The following KMO variants were observed in gnomAD, a reference collection of about 807,000 sequenced individuals.
The protein encoded by KMO is kynurenine 3-hydroxylase.
Under a neutral mutation model 57.8 loss-of-function variants are expected in KMO, and 24 were observed. The observed-to-expected ratio is 0.42, with a 90% CI of 0.30 to 0.58. The LOEUF is 0.58. Ranked by LOEUF, KMO falls within the 20% of genes least tolerant of loss-of-function variation. KMO has a pLI of 0.22. For missense variants in KMO, 483 were observed against 588.2 expected, an observed-to-expected ratio of 0.82 and a Z score of 1.85; for synonymous variants, 210 against 193.6, an observed-to-expected ratio of 1.08 and a Z score of -0.70.
At chr1:241,577,366 T>G (rs1228755816) in intron 10 of KMO, among the ~76,000 whole-genome samples, 1 of 152,144 alleles carries the variant, frequency 6.6e-6, no homozygotes, top group Non-Finnish European at 1.5e-5. Context: ...AGGCTATTTC[T>G]TCTAATTATT....
intron 4 of KMO, among the ~76,000 whole-genome samples, chr1:241,554,622 CA>C (rs1413058722): frequency 6.7e-6 from 1 of 149,252 alleles, no homozygotes; most frequent in Non-Finnish European, 1.5e-5. Context: ...AACATTTTTA[CA>C]ATACGTTTAA....
At chr1:241,581,892 AT>A (rs1211257955) in intron 10 of KMO, among the ~76,000 whole-genome samples, 1 of 151,858 alleles carries the variant, frequency 6.6e-6, no homozygotes, top group Non-Finnish European at 1.5e-5. Flanking sequence ...TTTTTTTCTC[AT>A]TTGTTAACAT....
chr1:241,587,473 T>C (rs150069925), intron 11 of KMO, among the ~76,000 whole-genome samples: 160 of 152,274 alleles, frequency 1.1e-3, no homozygotes, highest in African/African-American at 3.5e-3. Flanking sequence ...ATACTTTTTT[T>C]TTTGAGATGG....
chr1:241,562,918 A>AGAAG (rs1247479944), intron 7 of KMO, among the ~76,000 whole-genome samples: 1 of 25,288 alleles, frequency 4.0e-5, no homozygotes, highest in African/African-American at 1.8e-4. Flanking sequence ...AAGGAAGGAA[A>AGAAG]GAAGGAAGGA....
intron 4 of KMO, 131 bp from the exon 5 acceptor site, chr1:241,555,481 G>GA (rs1661578583): frequency 3.9e-6 from 2 of 507,410 alleles, no homozygotes; most frequent in East Asian, 6.1e-5. Context: ...GTCACTTAGC[G>GA]AAATGGTTAT....
In KMO at chr1:241,594,654, A is replaced by T; in HGVS notation, c.*2501A>T. On this transcript the variant is annotated 3_prime_UTR_variant, in exon 15 of 15. Coordinates refer to ENST00000366559, the MANE Select transcript of KMO (RefSeq NM_003679.5). ...TTTAGCAGGCCTCTGGCACCTCAGC[A>T]GTCGGAGGCACAGAAGCTGCAAAAG... 2 of 1,614,088 alleles carry T rather than the reference A, an allele frequency of 1.2e-6. No homozygotes were observed. Among genetic ancestry groups the T allele is most frequent in the Non-Finnish European group, 1.7e-6 (2 of 1,179,958 alleles).
intron 10 of KMO, among the ~76,000 whole-genome samples, chr1:241,577,001 C>T (rs547360133): frequency 6.6e-6 from 1 of 152,126 alleles, no homozygotes; most frequent in East Asian, 1.9e-4. Flanking sequence ...CTCTGAAATT[C>T]TTTCTTCTGC....
At position 241,594,737 on chromosome 1, in the gene KMO, AC is replaced by A. The variant is rs1663446917; in HGVS notation, c.*2585del. The A allele has an allele frequency of 1.3e-6, 2 of 1,586,972 alleles. No homozygotes were observed. Among genetic ancestry groups the A allele is most frequent in the Admixed American group, 3.6e-5 (2 of 55,774 alleles). On this transcript the variant is annotated 3_prime_UTR_variant, in exon 15 of 15. Coordinates refer to ENST00000366559, the MANE Select transcript of KMO (RefSeq NM_003679.5). Reference sequence around the variant, plus strand: ...GTGGAATATTAAGTAAAAGTTGGGCACTAATCTGGATTAACATTCGAGGAAA... The same window carrying A: ...GTGGAATATTAAGTAAAAGTTGGGCATAATCTGGATTAACATTCGAGGAAA...
intron 9 of KMO, among the ~76,000 whole-genome samples, chr1:241,568,082 A>G (rs1185023243): frequency 6.6e-6 from 1 of 152,178 alleles, no homozygotes. Flanking sequence ...CTATTTCCAA[A>G]TACATAAAGA....
chr1:241,548,804 T>C (rs377396383), intron 1 of KMO, 25 bp from the exon 2 acceptor site: 1 of 1,427,916 alleles, frequency 7.0e-7, no homozygotes, highest in Admixed American at 1.7e-5. Context: ...ATCAGATAAA[T>C]ATTTAATTTT....
chr1:241,532,930 A>G (rs1660627498), intron 1 of KMO, among the ~76,000 whole-genome samples: 1 of 152,236 alleles, frequency 6.6e-6, no homozygotes, highest in Admixed American at 6.5e-5. Flanking sequence ...AAAAGGGTCA[A>G]GAAACATGAA....
chr1:241,566,392 C>T, intron 8 of KMO, 99 bp from the exon 9 acceptor site: 1 of 809,732 alleles, frequency 1.2e-6, no homozygotes, highest in Non-Finnish European at 1.7e-6. Context: ...TCCAAAAGCT[C>T]CCTGGTCACA....
intron 5 of KMO, among the ~76,000 whole-genome samples, chr1:241,559,266 G>A (rs1457657706): frequency 6.6e-6 from 1 of 152,062 alleles, no homozygotes; most frequent in Non-Finnish European, 1.5e-5. Flanking sequence ...CACACTCCAA[G>A]TACTCAAACA....
chr1:241,559,446 A>AG (rs1661757214), intron 5 of KMO, among the ~76,000 whole-genome samples: 1 of 216 alleles, frequency 4.6e-3, no homozygotes, highest in Non-Finnish European at 0.011. Context: ...AATAAACATA[A>AG]TTTTTTAAAA....
At chr1:241,554,653 G>C (rs920600931) in intron 4 of KMO, among the ~76,000 whole-genome samples, 13 of 148,138 alleles carry the variant, frequency 8.8e-5, no homozygotes, top group African/African-American at 3.2e-4. Flanking sequence ...AAAATGTTTT[G>C]ATTTTAGTTT....
At chr1:241,532,572 C>A in intron 1 of KMO, 74 bp downstream of exon 1, 5 of 1,094,126 alleles carry the variant, frequency 4.6e-6, no homozygotes, top group South Asian at 1.5e-5. Context: ...GATTATTATT[C>A]GTCACTTCTG....
intron 10 of KMO, among the ~76,000 whole-genome samples, chr1:241,574,674 T>G (rs1662440510): frequency 1.3e-5 from 2 of 152,076 alleles, no homozygotes; most frequent in Non-Finnish European, 2.9e-5. Flanking sequence ...TTAGCTAGTA[T>G]GTTGCTGAGG....
At chr1:241,549,215 A>AAGAC (rs1661280611) in intron 2 of KMO, among the ~76,000 whole-genome samples, 1 of 6,330 alleles carries the variant, frequency 1.6e-4, no homozygotes, top group Non-Finnish European at 9.2e-4. Context: ...GAAAGAAAGA[A>AAGAC]AGAAAGAAAG....
intron 10 of KMO, among the ~76,000 whole-genome samples, chr1:241,582,561 G>A (rs1355853938): frequency 6.6e-6 from 1 of 152,052 alleles, no homozygotes; most frequent in African/African-American, 2.4e-5. Context: ...GAGAGACTCT[G>A]ATGCATTTTT....
Sources: allele counts gnomAD v4.1 joint callset (sites outside exome capture counted in the v4.1 genomes callset), GRCh38; gene constraint gnomAD v4.1.1; transcripts MANE v1.5; gene names NCBI Gene and HGNC (gene_info 2026-07-23, HGNC 2026-07-21).